The following NPEPPS variants were observed in gnomAD, a reference collection of about 807,000 sequenced individuals.
NPEPPS encodes aminopeptidase puromycin sensitive, also known as puromycin-sensitive aminopeptidase.
A neutral mutation model predicts 115.5 loss-of-function variants in NPEPPS; 14 were observed. The ratio of observed to expected loss-of-function variants is 0.12; its 90% CI spans 0.08 to 0.19. The LOEUF (loss-of-function observed/expected upper bound fraction) is 0.19, where lower values mean the gene tolerates loss of function less well. Ranked by LOEUF, NPEPPS falls within the 10% of genes least tolerant of loss-of-function variation. The pLI is 1.00. For missense variants in NPEPPS, 523 were observed against 1,110.8 expected (o/e 0.47, Z 7.52); for synonymous variants, 285 against 390.6 (o/e 0.73, Z 3.19).
chr17:47,585,487 T>G lies in NPEPPS; in HGVS notation c.649-13T>G. 5 of 1,605,322 alleles carry G rather than the reference T, an allele frequency of 3.1e-6. No individual in the cohort carries two copies. The highest frequency in any genetic ancestry group is 3.4e-6 in the Non-Finnish European group (4 of 1,172,848). On this transcript the variant is annotated splice_polypyrimidine_tract_variant and intron_variant, in intron 5 of 22. Transcript: ENST00000322157. ...AAACCTATTTAAATTTTTCTTTTTTTTATTTCTTAAAGAATGTAATTGACC... is the reference window on the plus strand; with the variant it reads ...AAACCTATTTAAATTTTTCTTTTTTGTATTTCTTAAAGAATGTAATTGACC...
At chr17:47,570,155 C>T (rs1911108942) in intron 3 of NPEPPS, among the ~76,000 whole-genome samples, 1 of 152,190 alleles carries the variant, frequency 6.6e-6, no homozygotes, top group Non-Finnish European at 1.5e-5. Flanking sequence ...GGCATGGTGG[C>T]TCACACCTGC....
intron 2 of NPEPPS, among the ~76,000 whole-genome samples, chr17:47,548,738 G>A (rs1372849343): frequency 1.3e-5 from 2 of 151,438 alleles, no homozygotes; most frequent in East Asian, 2.0e-4. Context: ...CACCACACCC[G>A]GCTAATTTTT....
In NPEPPS at chr17:47,613,714, A is replaced by G. The variant is rs749954965; in HGVS notation, c.2284A>G (p.Ile762Val). The change falls in exon 19 of 23, where the codon ATT becomes GTT. Residue 762 changes from isoleucine (I) to valine (V), a missense_variant. Ile to Val is a conservative substitution (Grantham distance 29, BLOSUM62 3). Transcript: ENST00000322157. ...LKHGDGTTLD[I>V]MLKLHKQADM... ...GCATGGTGATGGCACTACTTTAGAT[A>G]TTATGTTAAAAGTAAGTATATTTGA... is the stretch of plus-strand genomic sequence containing the variant. 53 of 1,610,166 alleles carry G rather than the reference A, an allele frequency of 3.3e-5. No individual in the cohort carries two copies. The highest frequency in any genetic ancestry group is 4.4e-5 in the Non-Finnish European group (52 of 1,178,556).
chr17:47,607,083 C>T (rs991670046), intron 17 of NPEPPS, among the ~76,000 whole-genome samples: 25 of 151,922 alleles, frequency 1.6e-4, no homozygotes, highest in African/African-American at 5.8e-4. Context: ...ATCTTAGCTA[C>T]TCGGGAGGCT....
At chr17:47,539,100 C>CTTTTTTTT (rs551077364) in intron 1 of NPEPPS, among the ~76,000 whole-genome samples, 116 of 135,450 alleles carry the variant, frequency 8.6e-4, no homozygotes, top group East Asian at 1.5e-3. Flanking sequence ...TCATCTAGGC[C>CTTTTTTTT]TTTTTTTTTT....
intron 1 of NPEPPS, among the ~76,000 whole-genome samples, chr17:47,533,119 T>C (rs926945140): frequency 3.9e-5 from 6 of 152,146 alleles, no homozygotes; most frequent in African/African-American, 7.2e-5. Context: ...ATTAAAAATA[T>C]GTCTAAAAGT....
At chr17:47,606,582 C>T (rs1045967006) in intron 17 of NPEPPS, among the ~76,000 whole-genome samples, 8 of 151,978 alleles carry the variant, frequency 5.3e-5, no homozygotes, top group African/African-American at 1.5e-4. Flanking sequence ...CTCAGCCTCC[C>T]GAGTAGCATA....
chr17:47,534,022 C>A (rs1908010219), intron 1 of NPEPPS, among the ~76,000 whole-genome samples: 1 of 151,858 alleles, frequency 6.6e-6, no homozygotes, highest in African/African-American at 2.4e-5. Context: ...TTTTGAAATC[C>A]ATGAATTAGA....
chr17:47,532,272 T>A (rs1481362514), intron 1 of NPEPPS, among the ~76,000 whole-genome samples: 4 of 152,164 alleles, frequency 2.6e-5, no homozygotes, highest in African/African-American at 7.2e-5. Flanking sequence ...GGACCCCATC[T>A]CCGCTTTTCC....
intron 17 of NPEPPS, among the ~76,000 whole-genome samples, chr17:47,611,052 C>T (rs966329134): frequency 6.6e-6 from 1 of 151,056 alleles, no homozygotes; most frequent in Non-Finnish European, 1.5e-5. Context: ...CAGGGTTTCA[C>T]CATGTTGGCC....
upstream of NPEPPS, among the ~76,000 whole-genome samples, chr17:47,526,826 C>T (rs552506297): frequency 6.6e-6 from 1 of 152,020 alleles, no homozygotes; most frequent in Non-Finnish European, 1.5e-5. Flanking sequence ...GGCTTGGTGG[C>T]GGGTGCCTGT....
chr17:47,594,258 A>G (rs554030148), intron 12 of NPEPPS, among the ~76,000 whole-genome samples: 2 of 152,312 alleles, frequency 1.3e-5, no homozygotes, highest in African/African-American at 2.4e-5. Flanking sequence ...AGACATTACT[A>G]TACACTACTA....
At chr17:47,611,969 C>G (rs1257335180) in intron 17 of NPEPPS, among the ~76,000 whole-genome samples, 1 of 152,152 alleles carries the variant, frequency 6.6e-6, no homozygotes, top group Non-Finnish European at 1.5e-5. Context: ...TTGCATTTTC[C>G]TAATGACTAA....
chr17:47,615,309 C>A (rs1597895943), intron 19 of NPEPPS, among the ~76,000 whole-genome samples: 1 of 152,142 alleles, frequency 6.6e-6, no homozygotes, highest in Non-Finnish European at 1.5e-5. Context: ...AACTCCTGAC[C>A]TTGTGATCCA....
intron 15 of NPEPPS, chr17:47,603,679 GTTCT>G (rs1223523265): frequency 2.6e-6 from 1 of 383,130 alleles, no homozygotes; most frequent in Non-Finnish European, 4.7e-6. Context: ...TCCCTTCCTT[GTTCT>G]TTCTACTGTC....
chr17:47,596,271 T>C, intron 12 of NPEPPS, 82 bp from the exon 13 acceptor site: 7 of 805,852 alleles, frequency 8.7e-6, no homozygotes, highest in Non-Finnish European at 1.4e-5. Context: ...AGCAGTGTAG[T>C]GTCAAAAGTT....
At chr17:47,594,631 G>GTTATGTTA (rs1912740251) in intron 12 of NPEPPS, among the ~76,000 whole-genome samples, 2 of 125,742 alleles carry the variant, frequency 1.6e-5, no homozygotes, top group African/African-American at 5.7e-5. Context: ...GTTATGTTAT[G>GTTATGTTA]TTATGTTATG....
chr17:47,560,528 C>G (rs1348350411), intron 2 of NPEPPS, among the ~76,000 whole-genome samples: 1 of 152,170 alleles, frequency 6.6e-6, no homozygotes, highest in African/African-American at 2.4e-5. Context: ...TGTAACTATG[C>G]ATATATCTGA....
intron 1 of NPEPPS, among the ~76,000 whole-genome samples, chr17:47,525,397 G>A (rs574781889): frequency 3.6e-4 from 55 of 152,290 alleles, no homozygotes; most frequent in African/African-American, 1.3e-3. Flanking sequence ...AGGCTGGAAT[G>A]CAATGGCGTG....
Sources: gnomAD v4.1 joint callset for allele counts (sites outside exome capture counted in the v4.1 genomes callset) on GRCh38, gnomAD v4.1.1 for gene constraint, MANE v1.5 for transcripts, NCBI Gene and HGNC (gene_info 2026-07-23, HGNC 2026-07-21) for gene names.